SRPK2: variants seen among roughly 807,000 people sequenced by gnomAD.
SRPK2 encodes SFRS protein kinase 2.
In SRPK2, 21 loss-of-function variants were observed where a neutral mutation model predicts 90.8. That is an observed-to-expected ratio of 0.23 (90% CI 0.16 to 0.33). SRPK2 has a LOEUF of 0.33. SRPK2 is among the 10% of genes least tolerant of loss of function. The pLI is 1.00. For missense variants in SRPK2, 620 were observed against 869.0 expected, an observed-to-expected ratio of 0.71 and a Z score of 3.60; for synonymous variants, 288 against 311.1, an observed-to-expected ratio of 0.93 and a Z score of 0.78.
At chr7:105,130,321 C>T (rs1801812347) in intron 13 of SRPK2, among the ~76,000 whole-genome samples, 1 of 152,118 alleles carries the variant, frequency 6.6e-6, no homozygotes, top group Admixed American at 6.5e-5. Context: ...GAGACCAGGG[C>T]GGGTGGATCA....
At chr7:105,229,320 C>T (rs570575613) in intron 2 of SRPK2, among the ~76,000 whole-genome samples, 1 of 152,032 alleles carries the variant, frequency 6.6e-6, no homozygotes, top group African/African-American at 2.4e-5. Flanking sequence ...AAAAATTAGC[C>T]GGGCATAGCG....
In SRPK2 at chr7:105,241,737, C is replaced by T. The variant is rs375232333; in HGVS notation, c.72-37952G>A. ...AAACCATGATTCTGTGCAGGAAGAT[C>T]GAGTCAGACGTGATATTTCATTACC... On this transcript the variant is annotated intron_variant, in intron 2 of 15. Transcript: ENST00000393651. 9.2e-5 allele frequency among the ~76,000 whole-genome samples: 14 copies of T among 152,240 alleles called. No homozygotes were observed. The East Asian group carries it at 2.5e-3, about 27-fold the overall frequency.
At chr7:105,187,901 C>A (rs911869689) in intron 3 of SRPK2, among the ~76,000 whole-genome samples, 1 of 152,036 alleles carries the variant, frequency 6.6e-6, no homozygotes, top group African/African-American at 2.4e-5. Flanking sequence ...ATAAAAGGGA[C>A]AAAGGTGAGT....
At chr7:105,143,470 C>T in intron 9 of SRPK2, 140 bp from the exon 10 acceptor site, 1 of 1,076,320 alleles carries the variant, frequency 9.3e-7, no homozygotes, top group East Asian at 2.4e-5. Flanking sequence ...CAGACAGATC[C>T]ACTTTGTGGT....
intron 2 of SRPK2, among the ~76,000 whole-genome samples, chr7:105,340,505 G>A (rs964735159): frequency 6.7e-6 from 1 of 149,600 alleles, no homozygotes; most frequent in Non-Finnish European, 1.5e-5. Flanking sequence ...CCAGGCTCAA[G>A]TGATCCTCCC....
rs559869198 is a variant in SRPK2, at chr7:105,117,172, C to T, written c.*666G>A. The T allele has an allele frequency of 6.6e-6, 1 of 152,258 alleles. No individual in the cohort carries two copies. The highest frequency in any genetic ancestry group is 1.9e-4 in the East Asian group (1 of 5,186). The allele number at this position is 152,258 out of a possible 1,614,324, so 9.4% of individuals were successfully genotyped here. On this transcript the variant is annotated 3_prime_UTR_variant, in exon 16 of 16. Transcript: ENST00000393651. ...ATATAGAGAATGACATCTTATAACC[C>T]AGAGCCACTTTGTTTAAAATCCAAT...
chr7:105,152,941 C>T (rs1805929040), intron 7 of SRPK2, among the ~76,000 whole-genome samples: 1 of 152,052 alleles, frequency 6.6e-6, no homozygotes, highest in South Asian at 2.1e-4. Context: ...GTCTGAGGCA[C>T]AAGAATTGCT....
chr7:105,259,737 C>A (rs1803924282), intron 2 of SRPK2, among the ~76,000 whole-genome samples: 1 of 152,182 alleles, frequency 6.6e-6, no homozygotes, highest in Non-Finnish European at 1.5e-5. Flanking sequence ...CACCACACAT[C>A]TACAACCATC....
intron 2 of SRPK2, among the ~76,000 whole-genome samples, chr7:105,351,551 C>G (rs1817179070): frequency 6.6e-6 from 1 of 151,748 alleles, no homozygotes; most frequent in Non-Finnish European, 1.5e-5. Flanking sequence ...ACCTGTAATC[C>G]CAGCACTTTG....
intron 2 of SRPK2, among the ~76,000 whole-genome samples, chr7:105,349,792 G>A (rs1031998177): frequency 1.3e-5 from 2 of 151,968 alleles, no homozygotes; most frequent in East Asian, 1.9e-4. Flanking sequence ...AGGCTGGTGT[G>A]CAGTGCCGTG....
intron 3 of SRPK2, among the ~76,000 whole-genome samples, chr7:105,198,823 C>T (rs1276835823): frequency 6.6e-6 from 1 of 151,936 alleles, no homozygotes; most frequent in East Asian, 1.9e-4. Flanking sequence ...GATGAAAAAC[C>T]AAAGCCTAAA....
chr7:105,334,308 G>C (rs1459688086), intron 2 of SRPK2, among the ~76,000 whole-genome samples: 4 of 152,156 alleles, frequency 2.6e-5, no homozygotes, highest in Non-Finnish European at 5.9e-5. Context: ...CTCATCTCTT[G>C]ACCTCGTGAT....
intron 2 of SRPK2, among the ~76,000 whole-genome samples, chr7:105,361,348 T>A (rs1413090752): frequency 6.6e-6 from 1 of 152,168 alleles, no homozygotes; most frequent in Admixed American, 6.6e-5. Context: ...TGGAAGAACA[T>A]TCCATGCTCA....
intron 2 of SRPK2, among the ~76,000 whole-genome samples, chr7:105,258,011 G>C (rs1308324142): frequency 6.7e-6 from 1 of 150,146 alleles, no homozygotes; most frequent in Non-Finnish European, 1.5e-5. Flanking sequence ...GGAGGGGGAG[G>C]CAGGATAATT....
At chr7:105,336,081 T>C (rs1281341663) in intron 2 of SRPK2, among the ~76,000 whole-genome samples, 1 of 152,210 alleles carries the variant, frequency 6.6e-6, no homozygotes, top group Non-Finnish European at 1.5e-5. Flanking sequence ...TGTTATCTTA[T>C]TTACAATTTA....
Position 105,168,089 on chromosome 7 carries a change from T to C in SRPK2, c.345A>G (p.Lys115=). 1 of 1,610,814 alleles carries C rather than the reference T, an allele frequency of 6.2e-7. No homozygotes were observed. The highest frequency in any genetic ancestry group is 8.5e-7 in the Non-Finnish European group (1 of 1,178,220). The change falls in exon 5 of 16, where the codon AAA becomes AAG. Residue 115 remains lysine, a synonymous_variant. Transcript: ENST00000393651. ...TVWLCWDMQG[K]RFVAMKVVKS... is the part of the protein sequence containing the mutation. ...TTACAACTTTCATTGCAACAAATCTTTTCCCCCTAAAAGAAAAAACAAAAA... is the reference window on the plus strand; with the variant it reads ...TTACAACTTTCATTGCAACAAATCTCTTCCCCCTAAAAGAAAAAACAAAAA...
chr7:105,203,847 T>G lies in SRPK2; in HGVS notation c.72-62A>C. On this transcript the variant is annotated intron_variant, in intron 2 of 15. Coordinates refer to ENST00000393651, the MANE Select transcript of SRPK2 (RefSeq NM_182692.3). ...AGTACATCTTGCATTATGGATGCATTTGAGCACTTCTTAATATGGGGGAAA... is the reference window on the plus strand; with the variant it reads ...AGTACATCTTGCATTATGGATGCATGTGAGCACTTCTTAATATGGGGGAAA... 4 of 1,533,574 alleles carry G rather than the reference T, an allele frequency of 2.6e-6. No homozygotes were observed. In the South Asian group the frequency reaches 4.8e-5, roughly 18 times the overall value. The allele number at this position is 1,533,574 out of a possible 1,614,324, so 95.0% of individuals were successfully genotyped here.
At chr7:105,375,460 C>G (rs1820175442) in intron 2 of SRPK2, among the ~76,000 whole-genome samples, 1 of 152,142 alleles carries the variant, frequency 6.6e-6, no homozygotes, top group Admixed American at 6.6e-5. Flanking sequence ...GGTGGGAAGA[C>G]AGCTTGAAGC....
chr7:105,268,333 T>C (rs1444859492), intron 2 of SRPK2, among the ~76,000 whole-genome samples: 1 of 152,208 alleles, frequency 6.6e-6, no homozygotes, highest in Non-Finnish European at 1.5e-5. Flanking sequence ...TCCTAAGCTA[T>C]TTACAAATGG....
Sources: gnomAD v4.1 joint callset for allele counts (sites outside exome capture counted in the v4.1 genomes callset) on GRCh38, gnomAD v4.1.1 for gene constraint, MANE v1.5 for transcripts, NCBI Gene and HGNC (gene_info 2026-07-23, HGNC 2026-07-21) for gene names.